Variants in CCDC138 observed in about 807,000 individuals in gnomAD.
CCDC138 encodes the protein coiled-coil domain containing 138, also known as coiled-coil domain-containing protein 138.
In CCDC138, 66 loss-of-function variants were observed where a neutral mutation model predicts 82.3. The ratio of observed to expected loss-of-function variants is 0.80; its 90% CI spans 0.66 to 0.98. The LOEUF (loss-of-function observed/expected upper bound fraction) is 0.98. CCDC138 is among the 50% of genes least tolerant of loss of function. The probability of loss-of-function intolerance (pLI) is 0.00; values close to 1 mark genes in which losing one functional copy is unlikely to be tolerated. For missense variants in CCDC138, 816 were observed against 758.9 expected (o/e 1.08, Z -0.88); for synonymous variants, 297 against 265.4 (o/e 1.12, Z -1.16).
At chr2:108,809,451 TGTGTGTGTG>T (rs1683419191) in intron 7 of CCDC138, among the ~76,000 whole-genome samples, 2 of 25,948 alleles carry the variant, frequency 7.7e-5, no homozygotes, top group African/African-American at 2.3e-4. Context: ...TGAAATGTTG[TGTGTGTGTG>T]TGTGTGTGTG....
chr2:108,838,866 T>A (rs999149705), intron 10 of CCDC138, among the ~76,000 whole-genome samples: 2 of 152,104 alleles, frequency 1.3e-5, no homozygotes, highest in Admixed American at 6.6e-5. Flanking sequence ...TAAATATAAA[T>A]CTAGGTTATC....
intron 7 of CCDC138, among the ~76,000 whole-genome samples, chr2:108,809,540 C>T (rs1209196808): frequency 2.0e-5 from 3 of 151,766 alleles, no homozygotes; most frequent in African/African-American, 7.3e-5. Context: ...GGAAATCTTT[C>T]ACTTCCTTGG....
intron 10 of CCDC138, among the ~76,000 whole-genome samples, chr2:108,830,022 A>G (rs1235942629): frequency 1.3e-5 from 2 of 152,200 alleles, no homozygotes; most frequent in African/African-American, 4.8e-5. Flanking sequence ...CACAAGGTAA[A>G]TGCTCATCCA....
chr2:108,813,448 AC>A (rs1417693358), intron 9 of CCDC138, among the ~76,000 whole-genome samples: 2 of 152,090 alleles, frequency 1.3e-5, no homozygotes, highest in Admixed American at 6.6e-5. Flanking sequence ...TGAAAACAAA[AC>A]TATTATATTT....
chr2:108,835,301 T>A (rs72934059), intron 10 of CCDC138, among the ~76,000 whole-genome samples: 1,594 of 152,310 alleles, frequency 0.01, 34 homozygotes, highest in African/African-American at 0.034. Flanking sequence ...CCAAAACTGT[T>A]CAATGATTGA....
chr2:108,788,452 C>G (rs1039775643), intron 2 of CCDC138, among the ~76,000 whole-genome samples: 2 of 151,192 alleles, frequency 1.3e-5, no homozygotes, highest in Non-Finnish European at 2.9e-5. Flanking sequence ...CGCGCGGTGG[C>G]TCACGCCTGT....
rs774915355 is a variant in CCDC138, at chr2:108,804,940, A to G, written c.787A>G (p.Lys263Glu). The stretch of plus-strand genomic sequence containing the variant: ...AACCGAAGTTCTTAAGGAAAAGAAT[A>G]AAGAAACCAAGAGACTGAGGTCCTC... ...HLTEVLKEKNKETKRLRSSFD... is the reference protein window; with the variant it reads ...HLTEVLKEKNEETKRLRSSFD... The change falls in exon 7 of 15, where the codon AAA becomes GAA. Residue 263 changes from lysine (K) to glutamate (E), a missense_variant. Transcript: ENST00000295124. 5.6e-5 allele frequency: 88 copies of G among 1,575,236 alleles called. No homozygotes were observed. The South Asian group carries it at 1.0e-3, about 19-fold the overall frequency.
In CCDC138 at chr2:108,830,186, C is replaced by T. The variant is rs569735204; in HGVS notation, c.1207-8999C>T. Among the ~76,000 whole-genome samples, 72 of 152,208 alleles carry T rather than the reference C, an allele frequency of 4.7e-4. No homozygotes were observed. The South Asian group carries it at 5.0e-3, about 11-fold the overall frequency. On this transcript the variant is annotated intron_variant, in intron 10 of 14. Transcript: ENST00000295124. ...GACAAATATGAGATGATTCTGCTTC[C>T]GTGCATGCAGTACCTAGAATAGTCA...
intron 7 of CCDC138, among the ~76,000 whole-genome samples, chr2:108,810,439 C>T (rs1683596642): frequency 1.3e-5 from 2 of 152,192 alleles, no homozygotes; most frequent in Non-Finnish European, 2.9e-5. Context: ...TTATACTCTT[C>T]ATTCTGTTAA....
chr2:108,865,239 C>T (rs760778896), intron 13 of CCDC138, among the ~76,000 whole-genome samples: 4 of 152,074 alleles, frequency 2.6e-5, no homozygotes, highest in Non-Finnish European at 4.4e-5. Flanking sequence ...AAGCAGACCA[C>T]GATTGATGGA....
Position 108,873,467 on chromosome 2 carries a change from C to A in CCDC138, c.1710C>A (p.Phe570Leu). Residue 570 changes from phenylalanine to leucine, a missense_variant, in exon 14 of 15, where the codon TTC becomes TTA. Physicochemically the swap from Phe to Leu is conservative, Grantham distance 22. Transcript: ENST00000295124. ...GTTTTGCAGAATCCTTGCAGCCTTT[C>A]CTGGAAGCCTGTAGCAACTCTTTAT... is the stretch of plus-strand genomic sequence containing the variant. ...MTVESKSLQP[F>L]LEACSNSLFF... 3 of 1,599,428 alleles carry A rather than the reference C, an allele frequency of 1.9e-6. No homozygotes were observed. The highest frequency in any genetic ancestry group is 2.6e-6 in the Non-Finnish European group (3 of 1,173,900).
At chr2:108,822,151 G>A (rs1022263410) in intron 10 of CCDC138, among the ~76,000 whole-genome samples, 1 of 152,076 alleles carries the variant, frequency 6.6e-6, no homozygotes. Flanking sequence ...GAAAAGACTA[G>A]TAGTAGTAAT....
At chr2:108,860,607 C>G (rs79531128) in intron 13 of CCDC138, among the ~76,000 whole-genome samples, 6,952 of 150,896 alleles carry the variant, frequency 0.046, 257 homozygotes, top group Middle Eastern at 0.079. Flanking sequence ...TTTACATTTA[C>G]TGATTTGCGT....
chr2:108,879,898 C>A (rs1172480112), downstream of CCDC138, among the ~76,000 whole-genome samples: 2 of 151,968 alleles, frequency 1.3e-5, no homozygotes, highest in African/African-American at 2.4e-5. Context: ...AAGAAATTTT[C>A]TAGAGTAAAC....
chr2:108,871,899 A>T (rs145721816), intron 13 of CCDC138, among the ~76,000 whole-genome samples: 14 of 152,082 alleles, frequency 9.2e-5, no homozygotes, highest in African/African-American at 3.4e-4. Context: ...TATTTTCTCT[A>T]GTTTTACAGT....
chr2:108,794,504 A>G (rs1022249782), intron 4 of CCDC138, 36 bp from the exon 5 acceptor site: 17 of 1,551,964 alleles, frequency 1.1e-5, no homozygotes, highest in African/African-American at 2.7e-5. Flanking sequence ...CAATAAGTTA[A>G]TAAAGTTTAT....
Position 108,815,953 on chromosome 2 carries a change from G to A in CCDC138, c.1054G>A (p.Gly352Arg). ...TTTTGACATATAGGTACCACTTAATGGGCAAGTTTATGAACTTTTAACTGT... is the reference window on the plus strand; with the variant it reads ...TTTTGACATATAGGTACCACTTAATAGGCAAGTTTATGAACTTTTAACTGT... ...VSKTYKVPLN[G>R]QVYELLTVFM... The change falls in exon 10 of 15, where the codon GGG (glycine) becomes AGG (arginine). Residue 352 changes from glycine to arginine, a missense_variant. Physicochemically the swap from Gly to Arg is moderately radical, Grantham distance 125. Transcript: ENST00000295124. 2 of 1,608,536 alleles carry A rather than the reference G, an allele frequency of 1.2e-6. No homozygotes were observed. Among genetic ancestry groups the A allele is most frequent in the South Asian group, 1.1e-5 (1 of 89,486 alleles).
intron 9 of CCDC138, among the ~76,000 whole-genome samples, chr2:108,814,450 T>A (rs1684406974): frequency 6.6e-6 from 1 of 152,158 alleles, no homozygotes; most frequent in South Asian, 2.1e-4. Flanking sequence ...ATAATCGAAG[T>A]TTTCATCTAA....
At chr2:108,831,657 C>T (rs1252107565) in intron 10 of CCDC138, among the ~76,000 whole-genome samples, 1 of 150,840 alleles carries the variant, frequency 6.6e-6, no homozygotes, top group Non-Finnish European at 1.5e-5. Context: ...TTCCTAGGTT[C>T]TATCCCTGGA....
Sources: gnomAD v4.1 joint callset for allele counts (sites outside exome capture counted in the v4.1 genomes callset) on GRCh38, gnomAD v4.1.1 for gene constraint, MANE v1.5 for transcripts, NCBI Gene and HGNC (gene_info 2026-07-23, HGNC 2026-07-21) for gene names.